Variants in COBL observed in about 807,000 individuals in gnomAD.
COBL encodes the protein cordon-bleu WH2 repeat protein, also known as protein cordon-bleu.
Under a neutral mutation model 98.8 loss-of-function variants are expected in COBL, and 51 were observed. The ratio of observed to expected loss-of-function variants is 0.52; its 90% CI spans 0.41 to 0.65. The LOEUF is 0.65. COBL is among the 30% of genes least tolerant of loss of function. The probability of loss-of-function intolerance (pLI) is 0.00; values close to 1 mark genes in which losing one functional copy is unlikely to be tolerated. For missense variants in COBL, 1,617 were observed against 1,617.5 expected (o/e 1.00, Z 0.01); for synonymous variants, 634 against 651.7 (o/e 0.97, Z 0.41).
intron 1 of COBL, among the ~76,000 whole-genome samples, chr7:51,240,191 G>GTGA (rs1306116888): frequency 6.6e-6 from 1 of 152,218 alleles, no homozygotes; most frequent in East Asian, 1.9e-4. Flanking sequence ...ACCTAGGATG[G>GTGA]TGATGAGAAA....
chr7:51,056,859 C>A (rs1416116449), intron 7 of COBL, among the ~76,000 whole-genome samples: 1 of 135,930 alleles, frequency 7.4e-6, no homozygotes, highest in Non-Finnish European at 1.6e-5. Context: ...ACGGCAAAAA[C>A]CATCATAGTA....
intron 5 of COBL, among the ~76,000 whole-genome samples, chr7:51,139,890 T>C (rs1438410553): frequency 1.3e-5 from 2 of 152,170 alleles, no homozygotes; most frequent in African/African-American, 2.4e-5. Context: ...ATTATCCCAG[T>C]TTCCTTGGTT....
chr7:51,100,000 C>T (rs1025828833), intron 6 of COBL, among the ~76,000 whole-genome samples: 56 of 152,262 alleles, frequency 3.7e-4, no homozygotes, highest in African/African-American at 1.3e-3. Context: ...TTCAAGAGTT[C>T]TTAGGAAGAG....
At chr7:51,120,805 G>C (rs997010096) in intron 6 of COBL, among the ~76,000 whole-genome samples, 1 of 152,158 alleles carries the variant, frequency 6.6e-6, no homozygotes, top group Non-Finnish European at 1.5e-5. Context: ...CCATGATGAT[G>C]CATGTATCAA....
intron 4 of COBL, among the ~76,000 whole-genome samples, chr7:51,184,525 A>G (rs1356867824): frequency 6.6e-6 from 1 of 152,276 alleles, no homozygotes; most frequent in Non-Finnish European, 1.5e-5. Context: ...CAGACCACAC[A>G]TGTAATTTTA....
intron 6 of COBL, among the ~76,000 whole-genome samples, chr7:51,106,902 GC>G (rs558251729): frequency 6.6e-6 from 1 of 151,980 alleles, no homozygotes; most frequent in Non-Finnish European, 1.5e-5. Context: ...AGAACAAAAT[GC>G]CCTGAAACAG....
chr7:51,115,169 C>A (rs961982166), intron 6 of COBL, among the ~76,000 whole-genome samples: 4 of 147,468 alleles, frequency 2.7e-5, no homozygotes, highest in Admixed American at 6.7e-5. Flanking sequence ...AATTTATGTT[C>A]TTTTTTCCCT....
chr7:51,016,850 T>G lies in COBL; in HGVS notation c.*701A>C, dbSNP rs1786331636. On this transcript the variant is annotated 3_prime_UTR_variant, in exon 13 of 13. Transcript: ENST00000265136. ...TGTGACCTCAGCCACCCGCCACCCTTGCAGGACTCGGGCATGCCCTGGCCA... is the reference window on the plus strand; with the variant it reads ...TGTGACCTCAGCCACCCGCCACCCTGGCAGGACTCGGGCATGCCCTGGCCA... 5.0e-6 allele frequency: 2 copies of G among 398,382 alleles called. No homozygotes were observed. The highest frequency in any genetic ancestry group is 4.1e-5 in the African/African-American group (2 of 48,636). 24.7% of individuals were successfully genotyped at this position (398,382 alleles called of 1,614,324 possible).
chr7:51,084,956 T>A (rs1023919755), intron 7 of COBL, among the ~76,000 whole-genome samples: 1 of 152,186 alleles, frequency 6.6e-6, no homozygotes, highest in Non-Finnish European at 1.5e-5. Context: ...CCCCGCCTCC[T>A]AAATGCTCAC....
At chr7:51,143,207 C>T (rs778596131) in intron 5 of COBL, among the ~76,000 whole-genome samples, 30 of 151,868 alleles carry the variant, frequency 2.0e-4, no homozygotes, top group Admixed American at 7.2e-4. Context: ...AATCTGCATG[C>T]GTGTGTGTGT....
chr7:51,220,158 AC>A (rs1426939385), intron 1 of COBL, among the ~76,000 whole-genome samples: 1 of 152,162 alleles, frequency 6.6e-6, no homozygotes, highest in East Asian at 1.9e-4. Context: ...GGAAAGAAAC[AC>A]CTTAAAAACA....
intron 1 of COBL, chr7:51,259,304 A>AAG (rs1554449061): frequency 1.3e-4 from 22 of 170,366 alleles, no homozygotes; most frequent in East Asian, 5.6e-4. Context: ...AAAAAAAAAA[A>AAG]GAGTAACCCA....
At chr7:51,121,989 G>C (rs981748258) in intron 6 of COBL, among the ~76,000 whole-genome samples, 2 of 152,178 alleles carry the variant, frequency 1.3e-5, no homozygotes, top group African/African-American at 2.4e-5. Context: ...TATTTGAACA[G>C]CATAACTCTC....
chr7:51,095,912 T>C (rs774682778), intron 6 of COBL, among the ~76,000 whole-genome samples: 6 of 152,192 alleles, frequency 3.9e-5, no homozygotes, highest in Non-Finnish European at 8.8e-5. Flanking sequence ...TAATTGAAAG[T>C]AGAAATAGAC....
intron 8 of COBL, among the ~76,000 whole-genome samples, chr7:51,039,352 C>T (rs958496392): frequency 1.4e-4 from 21 of 152,216 alleles, no homozygotes; most frequent in African/African-American, 5.1e-4. Flanking sequence ...ACAAGTTCAC[C>T]TTGAGTCTGG....
At chr7:51,126,404 C>G (rs1160746031) in intron 6 of COBL, among the ~76,000 whole-genome samples, 1 of 152,190 alleles carries the variant, frequency 6.6e-6, no homozygotes, top group Non-Finnish European at 1.5e-5. Flanking sequence ...CACCACCCCA[C>G]CCTCATCCTG....
intron 4 of COBL, 49 bp downstream of exon 4, chr7:51,190,801 C>G (rs757909311): frequency 8.2e-6 from 12 of 1,471,584 alleles, no homozygotes; most frequent in Non-Finnish European, 1.0e-5. Flanking sequence ...GTACACGCCG[C>G]GCATCCGTGT....
chr7:51,188,965 A>T (rs1005521454), intron 4 of COBL, among the ~76,000 whole-genome samples: 2 of 152,226 alleles, frequency 1.3e-5, no homozygotes, highest in African/African-American at 4.8e-5. Context: ...AACGTGAAAC[A>T]GTTTTCCCTT....
intron 7 of COBL, among the ~76,000 whole-genome samples, chr7:51,083,448 G>A (rs1003557725): frequency 6.6e-6 from 1 of 152,162 alleles, no homozygotes; most frequent in Admixed American, 6.5e-5. Context: ...CATACGTAGT[G>A]TTCTATCATT....
Sources: gnomAD v4.1 joint callset for allele counts (sites outside exome capture counted in the v4.1 genomes callset) on GRCh38, gnomAD v4.1.1 for gene constraint, MANE v1.5 for transcripts, NCBI Gene and HGNC (gene_info 2026-07-23, HGNC 2026-07-21) for gene names.